The following KCNH1 variants were observed in gnomAD, a reference collection of about 807,000 sequenced individuals.
KCNH1 encodes the protein potassium voltage-gated channel subfamily H member 1.
In KCNH1, 27 loss-of-function variants were observed where a neutral mutation model predicts 69.2. That is an observed-to-expected ratio of 0.39 (90% CI 0.29 to 0.54). KCNH1 has a LOEUF of 0.54. KCNH1 is among the 20% of genes least tolerant of loss of function. The probability of loss-of-function intolerance (pLI) is 0.68; values close to 1 mark genes in which losing one functional copy is unlikely to be tolerated. For missense variants in KCNH1, 798 were observed against 1,261.6 expected (o/e 0.63, Z 5.57); for synonymous variants, 456 against 487.7 (o/e 0.93, Z 0.86).
At chr1:211,043,875 C>T (rs528996552) in intron 5 of KCNH1, among the ~76,000 whole-genome samples, 48 of 152,174 alleles carry the variant, frequency 3.2e-4, no homozygotes, top group East Asian at 3.1e-3. Context: ...AAAAAGCATT[C>T]GACAAAATCC....
Position 211,134,075 on chromosome 1 carries a change from G to T in KCNH1, c.-130C>A. The T allele has an allele frequency of 1.4e-6, 1 of 728,168 alleles. No individual in the cohort carries two copies. The allele number at this position is 728,168 out of a possible 1,614,324, so 45.1% of individuals were successfully genotyped here. A position where few individuals can be genotyped will look rare whatever the true frequency, so the allele number is the denominator to read the frequency against. On this transcript the variant is annotated 5_prime_UTR_variant, in exon 1 of 11. Transcript: ENST00000271751. The surrounding 1 kb of genome is among the most constrained non-coding windows in gnomAD (Gnocchi z 5.7). Reference sequence around the variant, plus strand: ...GCGCCCGGCGGGGATCCGCAGGCAGGGCTGGCGGCTCCCTCTGGCTGCTAC... The same window carrying T: ...GCGCCCGGCGGGGATCCGCAGGCAGTGCTGGCGGCTCCCTCTGGCTGCTAC...
intron 7 of KCNH1, among the ~76,000 whole-genome samples, chr1:210,909,370 C>A (rs1687179629): frequency 6.6e-6 from 1 of 152,182 alleles, no homozygotes; most frequent in African/African-American, 2.4e-5. Flanking sequence ...ATTGTGGAAC[C>A]ATTCATCCAC....
At chr1:210,855,597 T>G (rs1332598261) in intron 7 of KCNH1, among the ~76,000 whole-genome samples, 3 of 152,234 alleles carry the variant, frequency 2.0e-5, no homozygotes, top group African/African-American at 7.2e-5. Flanking sequence ...GAATATAGAC[T>G]GAGCCAGAGA....
chr1:210,860,378 T>C (rs1685952000), intron 7 of KCNH1: 2 of 1,413,940 alleles, frequency 1.4e-6, no homozygotes, highest in African/African-American at 1.4e-5. Context: ...TGTAAGCAGA[T>C]TCCCTCAAGC....
chr1:211,122,644 C>A (rs1691710293), intron 1 of KCNH1, among the ~76,000 whole-genome samples: 1 of 152,112 alleles, frequency 6.6e-6, no homozygotes, highest in South Asian at 2.1e-4. Context: ...TACTATCCAG[C>A]CATAAAAAGG....
At chr1:211,111,745 A>G (rs1487483630) in intron 1 of KCNH1, among the ~76,000 whole-genome samples, 1 of 102,344 alleles carries the variant, frequency 9.8e-6, no homozygotes, top group Admixed American at 1.5e-4. Context: ...GGAAGTGAGG[A>G]GCGCCTCTGC....
intron 6 of KCNH1, among the ~76,000 whole-genome samples, chr1:210,991,462 G>T (rs561218488): frequency 6.6e-6 from 1 of 152,254 alleles, no homozygotes; most frequent in South Asian, 2.1e-4. Flanking sequence ...AGGAGGCAGG[G>T]GGAGTGGAGG....
intron 5 of KCNH1, among the ~76,000 whole-genome samples, chr1:211,032,615 A>G (rs1689810713): frequency 6.6e-6 from 1 of 152,228 alleles, no homozygotes; most frequent in South Asian, 2.1e-4. Context: ...CCACATATCT[A>G]CAACTATCTG....
chr1:211,061,842 C>T (rs1484477987), intron 5 of KCNH1, among the ~76,000 whole-genome samples: 2 of 152,072 alleles, frequency 1.3e-5, no homozygotes, highest in Non-Finnish European at 2.9e-5. Context: ...GAAAAGTATT[C>T]CATGCCCATG....
intron 10 of KCNH1, among the ~76,000 whole-genome samples, chr1:210,736,333 G>C (rs540071213): frequency 6.6e-6 from 1 of 152,206 alleles, no homozygotes; most frequent in Non-Finnish European, 1.5e-5. Flanking sequence ...TGGGTCACCT[G>C]AGGTCGGGAG....
At chr1:211,111,258 A>T (rs1691454983) in intron 1 of KCNH1, among the ~76,000 whole-genome samples, 1 of 152,168 alleles carries the variant, frequency 6.6e-6, no homozygotes, top group African/African-American at 2.4e-5. Context: ...TGTGCATATT[A>T]CAGCCCCATC....
chr1:211,090,305 C>A (rs1461426057), intron 4 of KCNH1, among the ~76,000 whole-genome samples: 1 of 152,162 alleles, frequency 6.6e-6, no homozygotes, highest in African/African-American at 2.4e-5. Flanking sequence ...TCTTCTTCTG[C>A]CTAACTAATA....
At position 210,904,740 on chromosome 1, in the gene KCNH1, A is replaced by G. The variant is rs754701793; in HGVS notation, c.1462+14900T>C. Among the ~76,000 whole-genome samples, 104 of 152,212 alleles carry G rather than the reference A, an allele frequency of 6.8e-4. 1 individual carries two copies. Among genetic ancestry groups the G allele is most frequent in the Non-Finnish European group, 1.0e-3 (70 of 68,048 alleles). On this transcript the variant is annotated intron_variant, in intron 7 of 10. Coordinates refer to ENST00000271751, the MANE Select transcript of KCNH1 (RefSeq NM_172362.3). ...TAATAATAAAAGCAATAACTCCAGC[A>G]GTTATTTATTCAGCACTTGCTATCT...
chr1:210,950,265 T>C (rs572260139), intron 6 of KCNH1, among the ~76,000 whole-genome samples: 60 of 151,022 alleles, frequency 4.0e-4, no homozygotes, highest in African/African-American at 1.4e-3. Flanking sequence ...CATGTGCACA[T>C]TGTGCAGGTT....
At chr1:210,724,025 G>A (rs1682534289) in intron 10 of KCNH1, among the ~76,000 whole-genome samples, 1 of 152,100 alleles carries the variant, frequency 6.6e-6, no homozygotes, top group Non-Finnish European at 1.5e-5. Context: ...AGCTTACATG[G>A]GCTATCTGTG....
chr1:210,709,285 T>C (rs1681993729), intron 10 of KCNH1, among the ~76,000 whole-genome samples: 1 of 152,152 alleles, frequency 6.6e-6, no homozygotes, highest in South Asian at 2.1e-4. Flanking sequence ...GACACAGATA[T>C]GCATACACGG....
Position 211,100,984 on chromosome 1 carries a change from G to A in KCNH1, c.310+2512C>T, listed in dbSNP as rs576404228. On this transcript the variant is annotated intron_variant, in intron 3 of 10. Coordinates refer to ENST00000271751, the MANE Select transcript of KCNH1 (RefSeq NM_172362.3). ...CTTGAACTCTCAATGCTCTCTCTCC[G>A]CTGCAGCCCTTTTCATATGCATTCA... is the stretch of plus-strand genomic sequence containing the variant. 2.6e-5 allele frequency among the ~76,000 whole-genome samples: 4 copies of A among 152,248 alleles called. No homozygotes were observed. The East Asian group carries it at 7.7e-4, about 29-fold the overall frequency.
At chr1:210,702,836 C>T (rs2149011899) in intron 10 of KCNH1, among the ~76,000 whole-genome samples, 2 of 150,290 alleles carry the variant, frequency 1.3e-5, no homozygotes, top group South Asian at 2.1e-4. Context: ...TGTGCTGCAG[C>T]TTCTTCCACT....
At chr1:210,903,799 G>T (rs1237689623) in intron 7 of KCNH1, among the ~76,000 whole-genome samples, 1 of 152,162 alleles carries the variant, frequency 6.6e-6, no homozygotes. Flanking sequence ...CTGCCTCTCA[G>T]GAAGGGAGAG....
Sources: gnomAD v4.1 joint callset for allele counts (sites outside exome capture counted in the v4.1 genomes callset) on GRCh38, gnomAD v4.1.1 for gene constraint, Gnocchi (gnomAD v3.1) non-coding constraint, MANE v1.5 for transcripts, NCBI Gene and HGNC (gene_info 2026-07-23, HGNC 2026-07-21) for gene names.